Variants in CES5A observed in about 807,000 individuals in gnomAD.
The protein encoded by CES5A is carboxylesterase 5.
CES5A carries 67 observed loss-of-function variants against 62.9 expected under a neutral mutation model. The observed-to-expected ratio is 1.07, with a 90% CI of 0.88 to 1.31. The LOEUF (loss-of-function observed/expected upper bound fraction) is 1.31, where lower values mean the gene tolerates loss of function less well. Ranked by LOEUF, CES5A falls within the 50% of genes most tolerant of loss-of-function variation. The probability of loss-of-function intolerance (pLI) is 0.00; values close to 1 mark genes in which losing one functional copy is unlikely to be tolerated. For missense variants in CES5A, 748 were observed against 708.5 expected (o/e 1.06, Z -0.63); for synonymous variants, 296 against 280.8 (o/e 1.05, Z -0.54).
chr16:55,855,384 A>C (rs1433944929), intron 9 of CES5A, among the ~76,000 whole-genome samples: 1 of 152,268 alleles, frequency 6.6e-6, no homozygotes, highest in Non-Finnish European at 1.5e-5. Flanking sequence ...GTAAGATCAG[A>C]TACTGCTAAG....
intron 1 of CES5A, among the ~76,000 whole-genome samples, chr16:55,950,840 A>C (rs3848306): frequency 0.32 from 49,229 of 151,656 alleles, 8,220 homozygotes; most frequent in African/African-American, 0.37. Flanking sequence ...GGGTGGCTCA[A>C]GCCTGTAATC....
At chr16:55,891,769 C>T (rs1433951741) in intron 1 of CES5A, among the ~76,000 whole-genome samples, 1 of 152,148 alleles carries the variant, frequency 6.6e-6, no homozygotes, top group Non-Finnish European at 1.5e-5. Context: ...TGATATTTCC[C>T]TTTCACACCC....
rs2033018689 is a variant in CES5A, at chr16:55,846,690, G to A, written c.1497-8C>T. 1.2e-6 allele frequency: 2 copies of A among 1,613,730 alleles called. No individual in the cohort carries two copies. Among genetic ancestry groups the A allele is most frequent in the East Asian group, 2.2e-5 (1 of 44,878 alleles). ...TCGTTCCCATTAGGATTCCTAGAAG[G>A]GAGAGCAGAAACAGGGGTGAGATTT... On this transcript the variant is annotated splice_region_variant and splice_polypyrimidine_tract_variant and intron_variant, in intron 12 of 12. Transcript: ENST00000290567.
intron 1 of CES5A, among the ~76,000 whole-genome samples, chr16:55,910,906 T>C (rs1290433974): frequency 1.3e-5 from 2 of 152,142 alleles, no homozygotes; most frequent in Non-Finnish European, 2.9e-5. Flanking sequence ...CAGGGTCTGA[T>C]GGGTGTCAGG....
At chr16:55,866,658 T>TAAAAAAAAAAAA (rs369679801) in intron 4 of CES5A, among the ~76,000 whole-genome samples, 85 of 82,790 alleles carry the variant, frequency 1.0e-3, no homozygotes, top group Non-Finnish European at 1.8e-3. Flanking sequence ...CTGTCTCTGC[T>TAAAAAAAAAAAA]AAAAAAAAAA....
At chr16:55,861,324 A>C (rs1285144786) in intron 7 of CES5A, 88 bp downstream of exon 7, 1 of 726,134 alleles carries the variant, frequency 1.4e-6, no homozygotes, top group Non-Finnish European at 2.4e-6. Context: ...TATGTTCCAA[A>C]TTCAAATAAA....
At chr16:55,847,848 A>G (rs2033047393) in intron 11 of CES5A, among the ~76,000 whole-genome samples, 1 of 152,212 alleles carries the variant, frequency 6.6e-6, no homozygotes, top group African/African-American at 2.4e-5. Context: ...ATGTGGAAGT[A>G]TAATTACACA....
At chr16:55,934,409 A>C (rs2034346056) in intron 2 of CES5A, among the ~76,000 whole-genome samples, 2 of 152,236 alleles carry the variant, frequency 1.3e-5, no homozygotes, top group South Asian at 4.1e-4. Context: ...TCTGGACCAT[A>C]GTAGGTGCTC....
Position 55,846,824 on chromosome 16 carries a change from C to A in CES5A, c.1440G>T (p.Glu480Asp), listed in dbSNP as rs1448773145. 1 of 1,614,004 alleles carries A rather than the reference C, an allele frequency of 6.2e-7. No homozygotes were observed. Among genetic ancestry groups the A allele is most frequent in the African/African-American group, 1.3e-5 (1 of 74,904 alleles). Residue 480 changes from glutamate to aspartate, a missense_variant, in exon 12 of 13, where the codon GAG becomes GAT. Coordinates refer to ENST00000290567, the MANE Select transcript of CES5A (RefSeq NM_001143685.2). ...DIVMFEGATE[E>D]EKLLSRKMMK... ...TCATCTTCCGGCTCAGTAACTTCTC[C>A]TCCTCCGTGGCTCCTTCTGAAGGAG...
At chr16:55,869,411 G>A (rs6499798) in intron 4 of CES5A, 200 bp downstream of exon 4, 476,794 of 1,022,924 alleles carry the variant, frequency 0.47, 118,125 homozygotes, top group Admixed American at 0.51. Flanking sequence ...ACCCAAGTGA[G>A]AAAGAGATTT....
chr16:55,848,908 T>C (rs2033071914), intron 11 of CES5A, among the ~76,000 whole-genome samples: 2 of 152,190 alleles, frequency 1.3e-5, no homozygotes, highest in Non-Finnish European at 2.9e-5. Context: ...ATTATCTGTG[T>C]TGTGAGGATG....
intron 11 of CES5A, among the ~76,000 whole-genome samples, chr16:55,848,789 G>C (rs1378610237): frequency 6.6e-6 from 1 of 152,138 alleles, no homozygotes; most frequent in Admixed American, 6.5e-5. Flanking sequence ...CATAGTATGG[G>C]CTCAGGAATG....
chr16:55,932,777 C>G (rs535891760), intron 2 of CES5A, among the ~76,000 whole-genome samples: 2 of 152,254 alleles, frequency 1.3e-5, no homozygotes, highest in African/African-American at 2.4e-5. Context: ...AGATGAGGTT[C>G]AAGAGGGAGG....
chr16:55,859,459 G>C, intron 8 of CES5A, 88 bp downstream of exon 8: 1 of 1,327,822 alleles, frequency 7.5e-7, no homozygotes, highest in South Asian at 1.3e-5. Flanking sequence ...TACAATACCT[G>C]ATGTCTTCTG....
At chr16:55,850,660 C>A (rs1474362114) in intron 10 of CES5A, among the ~76,000 whole-genome samples, 1 of 152,136 alleles carries the variant, frequency 6.6e-6, no homozygotes, top group African/African-American at 2.4e-5. Flanking sequence ...CCATTTTGAC[C>A]TATAATGAAC....
chr16:55,921,180 A>T (rs1412580232), intron 1 of CES5A, among the ~76,000 whole-genome samples: 1 of 152,196 alleles, frequency 6.6e-6, no homozygotes, highest in Non-Finnish European at 1.5e-5. Flanking sequence ...GTTCAACAAG[A>T]ATGAGAGATA....
intron 1 of CES5A, among the ~76,000 whole-genome samples, chr16:55,885,532 G>T (rs2033806801): frequency 1.3e-5 from 2 of 152,132 alleles, no homozygotes; most frequent in East Asian, 1.9e-4. Context: ...CAAGAAGGTT[G>T]GGTAAAAGCA....
In CES5A at chr16:55,861,422, G is replaced by A. The variant is rs267604579; in HGVS notation, c.905C>T (p.Thr302Ile). The A allele has an allele frequency of 1.9e-6, 3 of 1,611,174 alleles. No homozygotes were observed. The highest frequency in any genetic ancestry group is 2.7e-5 in the African/African-American group (2 of 75,000). ...CCCCTCTGTCCTCACCTGGCTGAGG[G>A]TCAGCAGCTCCTTGGAGGGTTTTGT... ...LRTKPSKELL[T>I]LSQKTKSFTR... The change falls in exon 7 of 13, where the codon ACC (threonine) becomes ATC (isoleucine). Residue 302 changes from threonine to isoleucine, a missense_variant. By Grantham distance (89) the Thr-to-Ile change is moderately conservative. Transcript: ENST00000290567.
upstream of CES5A, among the ~76,000 whole-genome samples, chr16:55,926,351 T>C (rs1253387814): frequency 6.6e-6 from 1 of 152,054 alleles, no homozygotes; most frequent in African/African-American, 2.4e-5. Context: ...TTGTGGAAAA[T>C]GGAATTAAAA....
Sources: gnomAD v4.1 joint callset for allele counts (sites outside exome capture counted in the v4.1 genomes callset) on GRCh38, gnomAD v4.1.1 for gene constraint, MANE v1.5 for transcripts, NCBI Gene and HGNC (gene_info 2026-07-23, HGNC 2026-07-21) for gene names.